Variants in CEP131 observed in about 807,000 individuals in gnomAD.
The protein encoded by CEP131 is centrosomal protein 131, also known as centrosomal protein of 131 kDa.
Under a neutral mutation model 136.8 loss-of-function variants are expected in CEP131, and 99 were observed. That is an observed-to-expected ratio of 0.72 (90% CI 0.62 to 0.86). The LOEUF (loss-of-function observed/expected upper bound fraction) is 0.86. Ranked by LOEUF, CEP131 falls within the 40% of genes least tolerant of loss-of-function variation. CEP131 has a pLI of 0.00. For missense variants in CEP131, 1,459 were observed against 1,463.0 expected (o/e 1.00, Z 0.04); for synonymous variants, 646 against 612.7 (o/e 1.05, Z -0.80).
intron 11 of CEP131, 67 bp downstream of exon 11, chr17:81,198,810 C>A: frequency 6.8e-7 from 1 of 1,474,216 alleles, no homozygotes; most frequent in Non-Finnish European, 9.3e-7. Context: ...GCTCAGGACA[C>A]CCCTGGCACA....
intron 8 of CEP131, 137 bp downstream of exon 8, chr17:81,200,192 G>T: frequency 1.4e-6 from 1 of 720,266 alleles, no homozygotes; most frequent in Non-Finnish European, 2.3e-6. Flanking sequence ...CCAGGGTCAA[G>T]AAGGATGCTG....
rs1311850064 is a variant in CEP131, at chr17:81,222,868, T to C, written c.-117A>G. On this transcript the variant is annotated 5_prime_UTR_variant, in exon 1 of 26. Coordinates refer to ENST00000450824, the MANE Select transcript of CEP131 (RefSeq NM_014984.4). ...ATGCGGAACCAGTCGCGCCCAAACC[T>C]CGGGTCGGCGACCTGGCGCCCCGCC... is the stretch of plus-strand genomic sequence containing the variant. 2 of 151,896 alleles carry C rather than the reference T, an allele frequency of 1.3e-5. No individual in the cohort carries two copies. The highest frequency in any genetic ancestry group is 4.8e-5 in the African/African-American group (2 of 41,318). 9.4% of individuals were successfully genotyped at this position (151,896 alleles called of 1,614,324 possible).
rs2146602089 is a variant in CEP131, at chr17:81,203,021, T to C, written c.629+473A>G. ...CCAAAAGTCACAGGAGTCCAGAGCC[T>C]GAGGGACCCCTGAGCAACCCCAAGG... On this transcript the variant is annotated intron_variant, in intron 6 of 25. Coordinates refer to ENST00000450824, the MANE Select transcript of CEP131 (RefSeq NM_014984.4). The surrounding 1 kb of genome is among the most constrained non-coding windows in gnomAD (Gnocchi z 4.6). Among the ~76,000 whole-genome samples the C allele has an allele frequency of 6.6e-6, 1 of 151,198 alleles. No individual in the cohort carries two copies. Among genetic ancestry groups the C allele is most frequent in the Admixed American group, 6.6e-5 (1 of 15,210 alleles).
In CEP131 at chr17:81,197,003, C is replaced by T. The variant is rs2061771746; in HGVS notation, c.1700G>A (p.Ser567Asn). The change falls in exon 14 of 26, where the codon AGC (serine) becomes AAC (asparagine). Residue 567 changes from serine (S) to asparagine (N), a missense_variant. This residue lies in a region of CEP131 where 1,026 missense variants were observed against 964.2 expected (regional missense o/e 1.06). Coordinates refer to ENST00000450824, the MANE Select transcript of CEP131 (RefSeq NM_014984.4). ...CAGCTTCAGCCGCATCACAGACGTG[C>T]TCACCTCGGACCCCAGCTCCAGGGG... is the stretch of plus-strand genomic sequence containing the variant. The part of the protein sequence containing the change: ...PGPLELGSEV[S>N]TSVMRLKLEV... 1.3e-6 allele frequency: 2 copies of T among 1,599,994 alleles called. No individual in the cohort carries two copies. Among genetic ancestry groups the T allele is most frequent in the Non-Finnish European group, 1.7e-6 (2 of 1,173,390 alleles).
intron 1 of CEP131, among the ~76,000 whole-genome samples, chr17:81,221,162 G>C (rs969980485): frequency 1.5e-5 from 2 of 137,752 alleles, no homozygotes; most frequent in Non-Finnish European, 3.1e-5. Context: ...GAGTGGTTTT[G>C]TGAGGTCCAG....
In CEP131 at chr17:81,194,884, T is replaced by A. The variant is rs1463435786; in HGVS notation, c.2105A>T (p.Glu702Val). The A allele has an allele frequency of 6.2e-7, 1 of 1,613,080 alleles. No homozygotes were observed. Among genetic ancestry groups the A allele is most frequent in the Non-Finnish European group, 8.5e-7 (1 of 1,179,908 alleles). The change falls in exon 17 of 26, where the codon GAG becomes GTG. Residue 702 changes from glutamate (E) to valine (V), a missense_variant. Transcript: ENST00000450824. Reference sequence around the variant, plus strand: ...GGAGGGCCCACCTCGGACAGTGACCTCCTTGATCTTCTTGGTTTTCTCACT... The same window carrying A: ...GGAGGGCCCACCTCGGACAGTGACCACCTTGATCTTCTTGGTTTTCTCACT... ...WISEKTKKIK[E>V]VTVRGLEPEI... is the part of the protein sequence containing the mutation.
Position 81,190,679 on chromosome 17 carries a change from G to T in CEP131, c.3067C>A (p.Gln1023Lys), listed in dbSNP as rs749292248. The T allele has an allele frequency of 6.2e-7, 1 of 1,602,750 alleles. No homozygotes were observed. The highest frequency in any genetic ancestry group is 1.7e-5 in the Admixed American group (1 of 59,470). The stretch of plus-strand genomic sequence containing the variant: ...TCCAGCTCCAGCTGCTGGCGGGCCT[G>T]CAGCGTGGCCAGCTCGGCCTTGGCC... ...RQAKAELATL[Q>K]ARQQLELEEV... is the part of the protein sequence containing the mutation. The change falls in exon 24 of 26, where the codon CAG becomes AAG. Residue 1023 changes from glutamine (Q) to lysine (K), a missense_variant. Gln to Lys is a moderately conservative substitution (Grantham distance 53). Around this residue, in one of 3 missense-constraint regions of CEP131, gnomAD observed 1,026 missense variants for 964.2 expected, o/e 1.06. Coordinates refer to ENST00000450824, the MANE Select transcript of CEP131 (RefSeq NM_014984.4).
intron 12 of CEP131, 52 bp from the exon 13 acceptor site, chr17:81,197,940 G>A (rs750387621): frequency 2.5e-6 from 4 of 1,579,596 alleles, no homozygotes; most frequent in Non-Finnish European, 3.4e-6. Flanking sequence ...CTGAGGACTT[G>A]GGTTCCCCAA....
chr17:81,206,737 G>A lies in CEP131; in HGVS notation c.515+7C>T. 6.2e-7 allele frequency: 1 copy of A among 1,611,668 alleles called. No individual in the cohort carries two copies. The highest frequency in any genetic ancestry group is 8.5e-7 in the Non-Finnish European group (1 of 1,178,668). On this transcript the variant is annotated splice_region_variant and intron_variant, in intron 5 of 25. Transcript: ENST00000450824. ...GTGCCCGTCGTGGGCACCTGCACAG[G>A]TCGTACCTGTTGTTAGCAGTGAAGT...
rs746194813 is a variant in CEP131, at chr17:81,197,031, C to T, written c.1672G>A (p.Gly558Arg). Residue 558 changes from glycine (G) to arginine (R), a missense_variant, in exon 14 of 26, where the codon GGG becomes AGG. Around this residue, in one of 3 missense-constraint regions of CEP131, gnomAD observed 1,026 missense variants for 964.2 expected, o/e 1.06. Coordinates refer to ENST00000450824, the MANE Select transcript of CEP131 (RefSeq NM_014984.4). Reference sequence around the variant, plus strand: ...ACCTCGGACCCCAGCTCCAGGGGCCCCGGCCCCGCCTCCGGCACCCACCCC... The same window carrying T: ...ACCTCGGACCCCAGCTCCAGGGGCCTCGGCCCCGCCTCCGGCACCCACCCC... ...QEGWVPEAGPGPLELGSEVST... is the reference protein window; with the variant it reads ...QEGWVPEAGPRPLELGSEVST... 6.3e-7 allele frequency: 1 copy of T among 1,590,300 alleles called. No homozygotes were observed. Among genetic ancestry groups the T allele is most frequent in the Non-Finnish European group, 8.6e-7 (1 of 1,168,602 alleles).
At chr17:81,202,567 C>T (rs907863353) in intron 6 of CEP131, among the ~76,000 whole-genome samples, 169 bp from the exon 7 acceptor site, 7 of 152,202 alleles carry the variant, frequency 4.6e-5, no homozygotes, top group Non-Finnish European at 8.8e-5. Flanking sequence ...CCGGCTCTCC[C>T]GTGCCACATC....
chr17:81,212,773 G>T (rs1290771319), intron 2 of CEP131, among the ~76,000 whole-genome samples: 2 of 152,198 alleles, frequency 1.3e-5, no homozygotes, highest in East Asian at 1.9e-4. Flanking sequence ...GCAAGCGTCG[G>T]GGGGGCGAGA....
At position 81,206,755 on chromosome 17, in the gene CEP131, A is replaced by G; in HGVS notation, c.504T>C (p.Thr168=). The G allele has an allele frequency of 1.9e-6, 3 of 1,613,672 alleles. No individual in the cohort carries two copies. Among genetic ancestry groups the G allele is most frequent in the Non-Finnish European group, 2.5e-6 (3 of 1,179,744 alleles). The change falls in exon 5 of 26, where the codon ACT becomes ACC. Residue 168 remains threonine, a synonymous_variant. Coordinates refer to ENST00000450824, the MANE Select transcript of CEP131 (RefSeq NM_014984.4). The part of the protein sequence containing the change: ...ECTVALAPNF[T]ANNRSNKGAV... ...TGCACAGGTCGTACCTGTTGTTAGC[A>G]GTGAAGTTGGGGGCCAGGGCCACGG...
At chr17:81,201,616 C>G (rs572742815) in intron 7 of CEP131, among the ~76,000 whole-genome samples, 6 of 152,148 alleles carry the variant, frequency 3.9e-5, no homozygotes, top group Non-Finnish European at 8.8e-5. Flanking sequence ...TTTCAGTGTA[C>G]AAGTCAATGA....
At chr17:81,220,416 C>G (rs2062361191) in intron 1 of CEP131, among the ~76,000 whole-genome samples, 1 of 152,226 alleles carries the variant, frequency 6.6e-6, no homozygotes, top group African/African-American at 2.4e-5. Flanking sequence ...TGCCATCTAC[C>G]CCACACCGTG....
chr17:81,206,955 G>C, intron 4 of CEP131, 84 bp from the exon 5 acceptor site: 1 of 1,555,468 alleles, frequency 6.4e-7, no homozygotes, highest in Non-Finnish European at 8.7e-7. Flanking sequence ...AACGGGAGGA[G>C]CCACCAACTT....
rs200829404 is a variant in CEP131 at position 81,203,558 on chromosome 17, G to T, written c.565C>A (p.Arg189Ser). 1.2e-6 allele frequency: 2 copies of T among 1,608,274 alleles called. No homozygotes were observed. The highest frequency in any genetic ancestry group is 1.7e-6 in the Non-Finnish European group (2 of 1,178,032). The stretch of plus-strand genomic sequence containing the variant: ...GGCGCCCTCTCCGAGGGGGTGTAGC[G>T]GTTGTGCACCATGGTGGTGACGCAG... ...GNCVTTMVHN[R>S]YTPSERAPPL... The change falls in exon 6 of 26, where the codon CGC (arginine) becomes AGC (serine). Residue 189 changes from arginine to serine, a missense_variant. Around this residue, in one of 3 missense-constraint regions of CEP131, gnomAD observed 246 missense variants for 318.9 expected, o/e 0.77. Coordinates refer to ENST00000450824, the MANE Select transcript of CEP131 (RefSeq NM_014984.4). The surrounding 1 kb of genome is among the most constrained non-coding windows in gnomAD (Gnocchi z 4.6).
chr17:81,199,915 G>A (rs1484789390), intron 8 of CEP131, 80 bp from the exon 9 acceptor site: 10 of 1,404,942 alleles, frequency 7.1e-6, no homozygotes, highest in Admixed American at 1.7e-5. Flanking sequence ...TCCCCACAAC[G>A]CCCTGGAGTC....
intron 2 of CEP131, among the ~76,000 whole-genome samples, 159 bp from the exon 3 acceptor site, chr17:81,209,181 G>A (rs1440519643): frequency 2.6e-5 from 4 of 152,170 alleles, no homozygotes; most frequent in Admixed American, 2.0e-4. Flanking sequence ...TGGTCAGAGG[G>A]GCAGGAGCAC....
Sources: allele counts gnomAD v4.1 joint callset (sites outside exome capture counted in the v4.1 genomes callset), GRCh38; gene constraint gnomAD v4.1.1; regional missense constraint gnomAD v4.1.1; non-coding constraint Gnocchi (gnomAD v3.1); transcripts MANE v1.5; gene names NCBI Gene and HGNC (gene_info 2026-07-23, HGNC 2026-07-21).